Variants in WSCD1 observed in about 807,000 individuals in gnomAD.
WSCD1 encodes the protein sialate:O-sulfotransferase 1.
In WSCD1, 41 loss-of-function variants were observed where a neutral mutation model predicts 60.4. The observed-to-expected ratio is 0.68, with a 90% CI of 0.53 to 0.88. The LOEUF is 0.88. Ranked by LOEUF, WSCD1 falls within the 40% of genes least tolerant of loss-of-function variation. The pLI is 0.00. For synonymous variants in WSCD1, 361 were observed against 332.5 expected (o/e 1.09, Z -0.93); for missense variants, 784 against 796.2 (o/e 0.98, Z 0.18).
intron 1 of WSCD1, among the ~76,000 whole-genome samples, chr17:6,072,753 G>T (rs1403713413): frequency 2.0e-5 from 3 of 152,202 alleles, no homozygotes; most frequent in Admixed American, 2.0e-4. Flanking sequence ...TCCTGGTCTG[G>T]CCTTCACATT....
At chr17:6,106,880 G>A (rs903347487) in intron 5 of WSCD1, among the ~76,000 whole-genome samples, 1 of 152,158 alleles carries the variant, frequency 6.6e-6, no homozygotes, top group Non-Finnish European at 1.5e-5. Flanking sequence ...CTGGCAGGGG[G>A]AACAGCAAGT....
chr17:6,091,750 G>C (rs568631745), intron 4 of WSCD1, among the ~76,000 whole-genome samples: 46 of 152,334 alleles, frequency 3.0e-4, no homozygotes, highest in African/African-American at 1.1e-3. Context: ...AGTGGTGATG[G>C]AGGCAGAGGC....
intron 4 of WSCD1, among the ~76,000 whole-genome samples, chr17:6,090,959 C>G (rs763921254): frequency 6.6e-6 from 1 of 152,154 alleles, no homozygotes; most frequent in Admixed American, 6.5e-5. Context: ...GGCCCAATCT[C>G]GGCTCACTGC....
intron 2 of WSCD1, chr17:6,085,015 G>T (rs1909538083): frequency 6.6e-6 from 1 of 152,130 alleles, no homozygotes; most frequent in Non-Finnish European, 1.5e-5. Context: ...GTCACAGGTG[G>T]GCCACTCCCT....
Position 6,101,888 on chromosome 17 carries a change from G to C in WSCD1, c.849+6665G>C, listed in dbSNP as rs1191199649. Among the ~76,000 whole-genome samples, 2 of 152,192 alleles carry C rather than the reference G, an allele frequency of 1.3e-5. No homozygotes were observed. The highest frequency in any genetic ancestry group is 3.9e-4 in the East Asian group (2 of 5,192). On this transcript the variant is annotated intron_variant, in intron 5 of 8. Coordinates refer to ENST00000317744, the MANE Select transcript of WSCD1 (RefSeq NM_015253.2). This position sits in a 1 kb window ranked among gnomAD's most constrained non-coding sequence, Gnocchi z 4.1. Reference sequence around the variant, plus strand: ...GTGCTCAAGTAGATAGGCCATTTGTGGGGGTGCTCCGAAAGGAGGCTGATG... The same window carrying C: ...GTGCTCAAGTAGATAGGCCATTTGTCGGGGTGCTCCGAAAGGAGGCTGATG...
At chr17:6,090,245 TG>T in intron 3 of WSCD1, 75 bp from the exon 4 acceptor site, 1 of 1,396,478 alleles carries the variant, frequency 7.2e-7, no homozygotes, top group Non-Finnish European at 9.6e-7. Flanking sequence ...TACATCAAGC[TG>T]AAACAGTCTG....
Position 6,122,336 on chromosome 17 carries a change from T to C in WSCD1, c.*1675T>C, listed in dbSNP as rs1226996950. 1 of 152,160 alleles carries C rather than the reference T, an allele frequency of 6.6e-6. No individual in the cohort carries two copies. Among genetic ancestry groups the C allele is most frequent in the Non-Finnish European group, 1.5e-5 (1 of 68,038 alleles). The allele number at this position is 152,160 out of a possible 1,614,324, so 9.4% of individuals were successfully genotyped here. A position where few individuals can be genotyped will look rare whatever the true frequency, so the allele number is the denominator to read the frequency against. ...ATCTGTGCCCCTGGTGGCCTCCAAA[T>C]CCTTCCTGGGATTCCCCCAAACCCA... On this transcript the variant is annotated 3_prime_UTR_variant, in exon 9 of 9. Coordinates refer to ENST00000317744, the MANE Select transcript of WSCD1 (RefSeq NM_015253.2).
chr17:6,107,558 C>T (rs141741368), intron 5 of WSCD1, among the ~76,000 whole-genome samples: 186 of 152,122 alleles, frequency 1.2e-3, no homozygotes, highest in African/African-American at 4.3e-3. Context: ...TTCTAAGGCC[C>T]TGGGGTTAGG....
chr17:6,098,961 T>C (rs1910623176), intron 5 of WSCD1, among the ~76,000 whole-genome samples: 1 of 152,014 alleles, frequency 6.6e-6, no homozygotes, highest in African/African-American at 2.4e-5. Context: ...GGGGCAGTGT[T>C]GGCAGGTGGC....
chr17:6,084,158 C>G (rs1909466675), intron 2 of WSCD1, among the ~76,000 whole-genome samples: 1 of 152,218 alleles, frequency 6.6e-6, no homozygotes, highest in South Asian at 2.1e-4. Flanking sequence ...TAATGTGATT[C>G]CAGTGCCAAA....
At chr17:6,109,499 C>T (rs768344654) in intron 5 of WSCD1, 108 bp from the exon 6 acceptor site, 73 of 1,464,756 alleles carry the variant, frequency 5.0e-5, no homozygotes, top group Non-Finnish European at 6.7e-5. Flanking sequence ...GGATTCCATA[C>T]AGATACAGCT....
At chr17:6,100,255 A>T (rs1368235273) in intron 5 of WSCD1, among the ~76,000 whole-genome samples, 1 of 152,128 alleles carries the variant, frequency 6.6e-6, no homozygotes, top group Non-Finnish European at 1.5e-5. Context: ...TGACCTGTCC[A>T]ATGTGGGAGG....
rs756094757 is a variant in WSCD1, at chr17:6,088,042, A to C, written c.480A>C (p.Gly160=). 72 of 1,613,972 alleles carry C rather than the reference A, an allele frequency of 4.5e-5. No homozygotes were observed. The highest frequency in any genetic ancestry group is 6.1e-5 in the Non-Finnish European group (72 of 1,180,012). Residue 160 remains glycine (G), a synonymous_variant, in exon 3 of 9, where the codon GGA becomes GGC. Transcript: ENST00000317744. Reference sequence around the variant, plus strand: ...ATGGCCACGAGAGGACTCTGAAAGGAGCTGTGTTTTATGACTTGAGAAAGA... The same window carrying C: ...ATGGCCACGAGAGGACTCTGAAAGGCGCTGTGTTTTATGACTTGAGAAAGA... ...SDDGHERTLK[G]AVFYDLRKMT...
Position 6,110,037 on chromosome 17 carries a change from G to C in WSCD1, c.1009+271G>C, listed in dbSNP as rs976893016. 2.0e-5 allele frequency among the ~76,000 whole-genome samples: 3 copies of C among 152,180 alleles called. No individual in the cohort carries two copies. The highest frequency in any genetic ancestry group is 4.8e-5 in the African/African-American group (2 of 41,434). On this transcript the variant is annotated intron_variant, in intron 6 of 8. Transcript: ENST00000317744. This position sits in a 1 kb window ranked among gnomAD's most constrained non-coding sequence, Gnocchi z 4.8. ...GATGACAATGGTAAGAGGATGAACA[G>C]AGAGGGGCAGGTCCTAGAGAGATAG...
chr17:6,109,658 A>AC lies in WSCD1; in HGVS notation c.907dup (p.Arg303ProfsTer18), dbSNP rs1237564131. 8 of 1,613,178 alleles carry AC rather than the reference A, an allele frequency of 5.0e-6. No homozygotes were observed. The highest frequency in any genetic ancestry group is 6.8e-6 in the Non-Finnish European group (8 of 1,179,866). Reference sequence around the variant, plus strand: ...CTGGGAATGCTACTGTGCTTACCCTACCCCCCGGTTCAACCTGCGGGATGC... The same window carrying AC: ...CTGGGAATGCTACTGTGCTTACCCTACCCCCCCGGTTCAACCTGCGGGATGC... On this transcript the variant is annotated frameshift_variant, in exon 6 of 9. Coordinates refer to ENST00000317744, the MANE Select transcript of WSCD1 (RefSeq NM_015253.2). LOFTEE classifies it high-confidence loss of function.
At chr17:6,109,156 A>T (rs116394847) in intron 5 of WSCD1, among the ~76,000 whole-genome samples, 3,190 of 152,250 alleles carry the variant, frequency 0.021, 96 homozygotes, top group African/African-American at 0.071. Flanking sequence ...GGATGCCCTA[A>T]GTCAGCTGAT....
In WSCD1 at chr17:6,086,250, C is replaced by A. The variant is rs9913956; in HGVS notation, c.428-1740C>A. 7.1e-5 allele frequency among the ~76,000 whole-genome samples: 7 copies of A among 98,242 alleles called. No individual in the cohort carries two copies. The East Asian group carries it at 1.2e-3, about 17-fold the overall frequency. 64.5% of individuals were successfully genotyped at this position (98,242 alleles called of 152,430 possible). ...GCAGTCAGTAAGACCGTCCTGACTT[C>A]ATATATATATATATATATATATATA... On this transcript the variant is annotated intron_variant, in intron 2 of 8. Transcript: ENST00000317744.
At chr17:6,071,634 G>C (rs1908550546) in intron 1 of WSCD1, among the ~76,000 whole-genome samples, 1 of 152,230 alleles carries the variant, frequency 6.6e-6, no homozygotes, top group Non-Finnish European at 1.5e-5. Context: ...TTTGGCATCA[G>C]GAGTGGGGGC....
chr17:6,095,879 T>C (rs1910390367), intron 5 of WSCD1, among the ~76,000 whole-genome samples: 1 of 152,032 alleles, frequency 6.6e-6, no homozygotes, highest in African/African-American at 2.4e-5. Flanking sequence ...AGACTCCAGA[T>C]TGGGGTGGAT....
Sources: allele counts gnomAD v4.1 joint callset (sites outside exome capture counted in the v4.1 genomes callset), GRCh38; gene constraint gnomAD v4.1.1; non-coding constraint Gnocchi (gnomAD v3.1); transcripts MANE v1.5; gene names NCBI Gene and HGNC (gene_info 2026-07-23, HGNC 2026-07-21).